SPIRE1: variants seen among roughly 807,000 people sequenced by gnomAD.
The protein encoded by SPIRE1 is spire type actin nucleation factor 1.
Under a neutral mutation model 94.1 loss-of-function variants are expected in SPIRE1, and 40 were observed. The observed-to-expected ratio is 0.43, with a 90% CI of 0.33 to 0.55. The LOEUF (loss-of-function observed/expected upper bound fraction) is 0.55, where lower values mean the gene tolerates loss of function less well. Among genes scored for constraint, SPIRE1 ranks in the 20% least tolerant of loss-of-function variants. The pLI is 0.06. For missense variants in SPIRE1, 838 were observed against 975.2 expected, an observed-to-expected ratio of 0.86 and a Z score of 1.87; for synonymous variants, 376 against 371.7, an observed-to-expected ratio of 1.01 and a Z score of -0.13.
Position 12,590,384 on chromosome 18 carries a change from C to T in SPIRE1, c.373-43480G>A, listed in dbSNP as rs566704636. Among the ~76,000 whole-genome samples, 3 of 152,256 alleles carry T rather than the reference C, an allele frequency of 2.0e-5. No individual in the cohort carries two copies. The East Asian group carries it at 5.8e-4, about 29-fold the overall frequency. On this transcript the variant is annotated intron_variant, in intron 2 of 16. Coordinates refer to ENST00000409402, the MANE Select transcript of SPIRE1 (RefSeq NM_001128626.2). ...GGATTACAGACGTGAGCCACCGTGC[C>T]TGGCCGCATCTCCTAATTTCTGAAT...
intron 2 of SPIRE1, among the ~76,000 whole-genome samples, chr18:12,580,685 C>A (rs1410417375): frequency 6.6e-6 from 1 of 152,158 alleles, no homozygotes; most frequent in African/African-American, 2.4e-5. Context: ...TAAAACACTT[C>A]ACTGCTTTTT....
intron 5 of SPIRE1, among the ~76,000 whole-genome samples, chr18:12,507,386 T>C (rs774765885): frequency 7.2e-5 from 11 of 152,244 alleles, no homozygotes; most frequent in Admixed American, 2.0e-4. Flanking sequence ...AATCAGTAGA[T>C]GGTGTTCTAT....
intron 2 of SPIRE1, among the ~76,000 whole-genome samples, chr18:12,579,270 G>T (rs2036197664): frequency 6.6e-6 from 1 of 151,776 alleles, no homozygotes; most frequent in Admixed American, 6.6e-5. Flanking sequence ...TTTAAAACGT[G>T]TGGGGCTGTG....
At chr18:12,526,056 T>TACACACACACACTCACACACACAC (rs2034512082) in intron 4 of SPIRE1, among the ~76,000 whole-genome samples, 1 of 122,584 alleles carries the variant, frequency 8.2e-6, no homozygotes, top group Non-Finnish European at 1.7e-5. Flanking sequence ...ATACTGAAGA[T>TACACACACACACTCACACACACAC]ACACACACAC....
At chr18:12,622,837 A>C (rs9960824) in intron 2 of SPIRE1, among the ~76,000 whole-genome samples, 85,042 of 152,016 alleles carry the variant, frequency 0.56, 24,955 homozygotes, top group Middle Eastern at 0.76. Flanking sequence ...GTGTTCTGTC[A>C]GTTTCAAAAA....
At chr18:12,501,684 G>C (rs1374137458) in intron 6 of SPIRE1, among the ~76,000 whole-genome samples, 1 of 152,178 alleles carries the variant, frequency 6.6e-6, no homozygotes, top group African/African-American at 2.4e-5. Flanking sequence ...GCCTGGCCCA[G>C]GTGTGGTGGC....
intron 1 of SPIRE1, among the ~76,000 whole-genome samples, chr18:12,646,216 A>G (rs1370468566): frequency 1.3e-5 from 2 of 152,042 alleles, no homozygotes; most frequent in Non-Finnish European, 2.9e-5. Context: ...TCTTCCTTTT[A>G]GGCTACAGCC....
intron 10 of SPIRE1, among the ~76,000 whole-genome samples, chr18:12,475,490 AT>A (rs1454953224): frequency 6.6e-6 from 1 of 152,200 alleles, no homozygotes; most frequent in Non-Finnish European, 1.5e-5. Context: ...AAATATTTGA[AT>A]GGAAAAAATG....
In SPIRE1 at chr18:12,493,178, T is replaced by C. The variant is rs1283010352; in HGVS notation, c.1083A>G (p.Pro361=). The C allele has an allele frequency of 6.2e-7, 1 of 1,612,718 alleles. No individual in the cohort carries two copies. Among genetic ancestry groups the C allele is most frequent in the South Asian group, 1.1e-5 (1 of 90,788 alleles). ...LNPVSARKLK[P]TPPRPRSLHE... is the part of the protein sequence containing the mutation. ...GGAGGCTCCGTGGCCGTGGTGGAGT[T>C]GGTTTCAGTTTTCTGGCTGAGACCT... Residue 361 remains proline (P), a synonymous_variant, in exon 8 of 17, where the codon CCA becomes CCG. Coordinates refer to ENST00000409402, the MANE Select transcript of SPIRE1 (RefSeq NM_001128626.2).
At chr18:12,451,370 T>C (rs762033627) in intron 16 of SPIRE1, among the ~76,000 whole-genome samples, 4 of 152,224 alleles carry the variant, frequency 2.6e-5, no homozygotes, top group African/African-American at 7.2e-5. Flanking sequence ...ACCAACATCA[T>C]AGTAAATATT....
At chr18:12,492,371 G>A (rs1457046347) in intron 8 of SPIRE1, among the ~76,000 whole-genome samples, 6 of 152,088 alleles carry the variant, frequency 3.9e-5, no homozygotes, top group Non-Finnish European at 7.4e-5. Flanking sequence ...AAAGACAGTC[G>A]TATAAATAAA....
intron 6 of SPIRE1, among the ~76,000 whole-genome samples, chr18:12,496,477 T>C (rs1417976733): frequency 6.6e-6 from 1 of 152,216 alleles, no homozygotes; most frequent in Non-Finnish European, 1.5e-5. Context: ...CTCACGCATG[T>C]AATCCCAGCA....
chr18:12,572,635 A>G (rs1306192865), intron 2 of SPIRE1, among the ~76,000 whole-genome samples: 1 of 152,244 alleles, frequency 6.6e-6, no homozygotes, highest in African/African-American at 2.4e-5. Flanking sequence ...AAATTGTTAA[A>G]AAAATTTTTA....
chr18:12,517,254 T>C lies in SPIRE1; in HGVS notation c.730-4723A>G, dbSNP rs561782154. ...ATGAGGATTTGATTGTGAATACTTT[T>C]ACTCCATCACAAAAATATTTTATAC... is the stretch of plus-strand genomic sequence containing the variant. On this transcript the variant is annotated intron_variant, in intron 4 of 16. Transcript: ENST00000409402. 2.6e-5 allele frequency among the ~76,000 whole-genome samples: 4 copies of C among 152,358 alleles called. No individual in the cohort carries two copies. The East Asian group carries it at 7.7e-4, about 29-fold the overall frequency.
At chr18:12,508,165 A>T (rs1209299792) in intron 5 of SPIRE1, among the ~76,000 whole-genome samples, 2 of 152,112 alleles carry the variant, frequency 1.3e-5, no homozygotes, top group South Asian at 2.1e-4. Flanking sequence ...AAAATAAAAA[A>T]AAAATAAAGT....
intron 1 of SPIRE1, among the ~76,000 whole-genome samples, chr18:12,648,374 G>C (rs1167741721): frequency 6.6e-6 from 1 of 152,098 alleles, no homozygotes; most frequent in Admixed American, 6.5e-5. Flanking sequence ...ATGTGATCAG[G>C]GGGAGCCCTT....
intron 4 of SPIRE1, among the ~76,000 whole-genome samples, chr18:12,513,535 T>C (rs2034104383): frequency 7.8e-6 from 1 of 128,916 alleles, no homozygotes; most frequent in Non-Finnish European, 1.7e-5. Flanking sequence ...ATTTATTTAT[T>C]TATTTGAGGT....
intron 16 of SPIRE1, 98 bp from the exon 17 acceptor site, chr18:12,449,994 ACAT>A (rs1403410995): frequency 2.1e-5 from 26 of 1,253,132 alleles, no homozygotes; most frequent in Non-Finnish European, 2.8e-5. Flanking sequence ...TGTTGTCAAA[ACAT>A]CATGGAATGG....
chr18:12,524,649 G>A (rs60563648), intron 4 of SPIRE1, among the ~76,000 whole-genome samples: 7,794 of 152,134 alleles, frequency 0.051, 214 homozygotes, highest in South Asian at 0.096. Context: ...ATGAGACACC[G>A]TGCCTGGTGA....
Sources: allele counts gnomAD v4.1 joint callset (sites outside exome capture counted in the v4.1 genomes callset), GRCh38; gene constraint gnomAD v4.1.1; transcripts MANE v1.5; gene names NCBI Gene and HGNC (gene_info 2026-07-23, HGNC 2026-07-21).